The following LRRC4C variants were observed in gnomAD, a reference collection of about 807,000 sequenced individuals.
LRRC4C encodes leucine rich repeat containing 4C, also known as leucine-rich repeat-containing protein 4C.
In LRRC4C, 5 loss-of-function variants were observed where a neutral mutation model predicts 33.6. The observed-to-expected ratio is 0.15, with a 90% CI of 0.08 to 0.31. LRRC4C has a LOEUF of 0.31. Ranked by LOEUF, LRRC4C falls within the 10% of genes least tolerant of loss-of-function variation. The probability of loss-of-function intolerance (pLI) is 1.00; values close to 1 mark genes in which losing one functional copy is unlikely to be tolerated. For synonymous variants in LRRC4C, 329 were observed against 302.0 expected (o/e 1.09, Z -0.93); for missense variants, 560 against 796.7 (o/e 0.70, Z 3.58).
At chr11:41,367,406 C>A (rs906044774) in intron 1 of LRRC4C, among the ~76,000 whole-genome samples, 1 of 152,130 alleles carries the variant, frequency 6.6e-6, no homozygotes, top group Non-Finnish European at 1.5e-5. Flanking sequence ...TGAGTAAGCT[C>A]TATCTTTAAT....
chr11:41,056,777 G>A (rs997972378), intron 1 of LRRC4C, among the ~76,000 whole-genome samples: 1 of 152,230 alleles, frequency 6.6e-6, no homozygotes, highest in Non-Finnish European at 1.5e-5. Flanking sequence ...TGCTGACAAG[G>A]TTATGGAGAA....
intron 2 of LRRC4C, among the ~76,000 whole-genome samples, chr11:40,867,000 T>G (rs2135905086): frequency 6.6e-6 from 1 of 152,290 alleles, no homozygotes; most frequent in South Asian, 2.1e-4. Flanking sequence ...ATTCTACTAT[T>G]TGATTATCAG....
At chr11:40,176,211 G>C (rs1424668337) in intron 5 of LRRC4C, among the ~76,000 whole-genome samples, 1 of 152,166 alleles carries the variant, frequency 6.6e-6, no homozygotes, top group Non-Finnish European at 1.5e-5. Context: ...GGCATGTTTT[G>C]AGTATGTCAA....
chr11:41,386,650 C>G (rs183281422), intron 1 of LRRC4C, among the ~76,000 whole-genome samples: 1 of 151,830 alleles, frequency 6.6e-6, no homozygotes, highest in African/African-American at 2.4e-5. Context: ...TAGTCTTAAT[C>G]TTCTACATTT....
At chr11:41,024,775 T>C (rs1856225389) in intron 1 of LRRC4C, among the ~76,000 whole-genome samples, 1 of 151,746 alleles carries the variant, frequency 6.6e-6, no homozygotes, top group African/African-American at 2.4e-5. Flanking sequence ...TTTATTGTGC[T>C]TTGCAGATAT....
At chr11:40,176,783 C>G (rs961148403) in intron 5 of LRRC4C, among the ~76,000 whole-genome samples, 1 of 151,868 alleles carries the variant, frequency 6.6e-6, no homozygotes, top group Non-Finnish European at 1.5e-5. Flanking sequence ...TCAAGTGATC[C>G]TCCTGTCTCA....
intron 4 of LRRC4C, among the ~76,000 whole-genome samples, chr11:40,291,800 T>C (rs1169581076): frequency 6.6e-6 from 1 of 152,224 alleles, no homozygotes; most frequent in Non-Finnish European, 1.5e-5. Context: ...AAATTTAAAT[T>C]GAGTCCCTTC....
At chr11:40,929,887 A>T (rs1957547175) in intron 2 of LRRC4C, among the ~76,000 whole-genome samples, 2 of 152,124 alleles carry the variant, frequency 1.3e-5, no homozygotes, top group South Asian at 4.1e-4. Flanking sequence ...TATTATCCTA[A>T]ACAGTTACAT....
At chr11:41,193,490 C>T (rs1425192742) in intron 1 of LRRC4C, among the ~76,000 whole-genome samples, 2 of 152,058 alleles carry the variant, frequency 1.3e-5, no homozygotes, top group Non-Finnish European at 2.9e-5. Context: ...TAGAAAAAGC[C>T]ATGAAACCCA....
At chr11:40,493,201 T>C (rs1954252384) in intron 3 of LRRC4C, among the ~76,000 whole-genome samples, 2 of 152,024 alleles carry the variant, frequency 1.3e-5, no homozygotes, top group South Asian at 4.1e-4. Flanking sequence ...AAACACAGAC[T>C]ACTTTAAGAA....
At chr11:41,190,751 G>C (rs1945908910) in intron 1 of LRRC4C, among the ~76,000 whole-genome samples, 1 of 152,170 alleles carries the variant, frequency 6.6e-6, no homozygotes, top group Non-Finnish European at 1.5e-5. Context: ...TTTGGCCGTA[G>C]TTTATTTTCA....
chr11:41,344,421 C>T (rs573199193), intron 1 of LRRC4C, among the ~76,000 whole-genome samples: 198 of 152,078 alleles, frequency 1.3e-3, no homozygotes, highest in Non-Finnish European at 2.2e-3. Context: ...GGTGTTTCAC[C>T]GTGTTAGCCA....
rs35191575 is a variant in LRRC4C, at chr11:40,546,084, ACCTTCCTTCCTTCCTTCCTTCCTT to A, written c.-270+102034_-270+102057del. On this transcript the variant is annotated intron_variant, in intron 3 of 6. Transcript: ENST00000528697. ...TTCCTTCCTTCCTTCCTTCCTTCCT[ACCTTCCTTCCTTCCTTCCTTCCTT>A]CCTTCCTTCCTTCCTTCCTTCCTTC... Among the ~76,000 whole-genome samples, 29 of 135,754 alleles carry A rather than the reference ACCTTCCTTCCTTCCTTCCTTCCTT, an allele frequency of 2.1e-4. No individual in the cohort carries two copies. In the Admixed American group the frequency reaches 2.2e-3, roughly 10 times the overall value. 89.1% of individuals were successfully genotyped at this position (135,754 alleles called of 152,430 possible).
chr11:40,701,459 A>G (rs1416359037), intron 2 of LRRC4C, among the ~76,000 whole-genome samples: 1 of 151,920 alleles, frequency 6.6e-6, no homozygotes, highest in Non-Finnish European at 1.5e-5. Flanking sequence ...AAAAAATAAA[A>G]AACAATTTAT....
At chr11:41,248,376 C>G (rs904224027) in intron 1 of LRRC4C, among the ~76,000 whole-genome samples, 1 of 152,180 alleles carries the variant, frequency 6.6e-6, no homozygotes, top group Non-Finnish European at 1.5e-5. Flanking sequence ...GAATCACACT[C>G]TTCTTCATTT....
At chr11:41,157,518 T>C (rs1290097545) in intron 1 of LRRC4C, among the ~76,000 whole-genome samples, 2 of 152,160 alleles carry the variant, frequency 1.3e-5, no homozygotes, top group African/African-American at 4.8e-5. Context: ...CAGCAGGATA[T>C]ACTGTCTTAA....
At chr11:40,642,814 T>A in intron 3 of LRRC4C, among the ~76,000 whole-genome samples, 1 of 152,318 alleles carries the variant, frequency 6.6e-6, no homozygotes, top group South Asian at 2.1e-4. Context: ...TTAGTAGAGT[T>A]ATTTTTTCTT....
chr11:40,869,374 G>T (rs1338811751), intron 2 of LRRC4C, among the ~76,000 whole-genome samples: 4 of 152,088 alleles, frequency 2.6e-5, no homozygotes, highest in African/African-American at 9.7e-5. Flanking sequence ...CATCAGGAAT[G>T]TCAGTCAACC....
intron 1 of LRRC4C, among the ~76,000 whole-genome samples, chr11:41,335,049 G>A (rs1305979276): frequency 1.3e-5 from 2 of 152,024 alleles, no homozygotes; most frequent in Non-Finnish European, 2.9e-5. Context: ...CCACCACCTG[G>A]TAACACCTCC....
Sources: allele counts gnomAD v4.1 joint callset (sites outside exome capture counted in the v4.1 genomes callset), GRCh38; gene constraint gnomAD v4.1.1; transcripts MANE v1.5; gene names NCBI Gene and HGNC (gene_info 2026-07-23, HGNC 2026-07-21).